ANKEF1: variants seen among roughly 807,000 people sequenced by gnomAD.
ANKEF1 encodes the protein ankyrin repeat and EF-hand domain containing 1.
Under a neutral mutation model 65.1 loss-of-function variants are expected in ANKEF1, and 43 were observed. The ratio of observed to expected loss-of-function variants is 0.66; its 90% confidence interval spans 0.52 to 0.85. ANKEF1 has a LOEUF of 0.85. Ranked by LOEUF, ANKEF1 falls within the 40% of genes least tolerant of loss-of-function variation. ANKEF1 has a pLI of 0.00. For synonymous variants in ANKEF1, 316 were observed against 341.5 expected, an observed-to-expected ratio of 0.93 and a Z score of 0.82; for missense variants, 934 against 952.9, an observed-to-expected ratio of 0.98 and a Z score of 0.26.
At chr20:10,053,646 A>G (rs1984990882) in intron 9 of ANKEF1, among the ~76,000 whole-genome samples, 1 of 152,176 alleles carries the variant, frequency 6.6e-6, no homozygotes, top group South Asian at 2.1e-4. Flanking sequence ...TGAGGAGTGA[A>G]GTAAAGCATG....
chr20:10,047,720 A>G (rs1984600111), intron 6 of ANKEF1, among the ~76,000 whole-genome samples: 1 of 152,174 alleles, frequency 6.6e-6, no homozygotes, highest in Admixed American at 6.5e-5. Context: ...AGCCAGCTGG[A>G]AGTTGAACAA....
intron 8 of ANKEF1, among the ~76,000 whole-genome samples, chr20:10,052,348 G>A (rs909430839): frequency 6.6e-6 from 1 of 152,090 alleles, no homozygotes. Context: ...TGTTATGACT[G>A]TTAATTACTA....
Position 10,055,621 on chromosome 20 carries a change from A to C in ANKEF1, c.2292A>C (p.Thr764=), listed in dbSNP as rs1960729255. The C allele has an allele frequency of 1.9e-6, 3 of 1,613,740 alleles. No homozygotes were observed. The highest frequency in any genetic ancestry group is 3.3e-5 in the Admixed American group (2 of 59,976). ...DFMMPFQKNI[T]EKARALEAAL... is the part of the protein sequence containing the mutation. ...TGATGCCTTTTCAGAAGAACATCAC[A>C]GAGAAAGCTCGAGCACTGGAAGCTG... Residue 764 remains threonine, a synonymous_variant, in exon 11 of 11, where the codon ACA becomes ACC. Transcript: ENST00000378392.
intron 5 of ANKEF1, among the ~76,000 whole-genome samples, chr20:10,044,888 G>C (rs1381310785): frequency 6.6e-6 from 1 of 152,004 alleles, no homozygotes; most frequent in African/African-American, 2.4e-5. Context: ...CTAATTATGG[G>C]AGAACAATGC....
At chr20:10,043,784 G>A (rs1382251417) in intron 4 of ANKEF1, among the ~76,000 whole-genome samples, 7 of 149,140 alleles carry the variant, frequency 4.7e-5, no homozygotes, top group South Asian at 2.2e-4. Context: ...TCAGCCTCCC[G>A]AGTAGCTGGG....
Position 10,051,691 on chromosome 20 carries a change from C to G in ANKEF1, c.1672C>G (p.Leu558Val), listed in dbSNP as rs777574480. Residue 558 changes from leucine (L) to valine (V), a missense_variant, in exon 8 of 11, where the codon CTG becomes GTG. Physicochemically the swap from Leu to Val is conservative, Grantham distance 32. Transcript: ENST00000378392. ...TAACGTTAATGCAACAGATAACTTT[C>G]TGTGGACTCCACTTCATTTTGCATG... ...GANVNATDNF[L>V]WTPLHFACHA... 1 of 1,613,586 alleles carries G rather than the reference C, an allele frequency of 6.2e-7. No homozygotes were observed.
Position 10,055,511 on chromosome 20 carries a change from C to A in ANKEF1, c.2182C>A (p.Pro728Thr). 1 of 1,613,320 alleles carries A rather than the reference C, an allele frequency of 6.2e-7. No homozygotes were observed. The highest frequency in any genetic ancestry group is 1.7e-5 in the Admixed American group (1 of 59,930). ...ITFIPRRIWS[P>T]EATTAELIRK... ...TATTTTTCTTTTTAAGATTTGGAGT[C>A]CTGAAGCCACAACAGCAGAGCTGAT... The change falls in exon 11 of 11, where the codon CCT becomes ACT. Residue 728 changes from proline to threonine, a missense_variant. Coordinates refer to ENST00000378392, the MANE Select transcript of ANKEF1 (RefSeq NM_022096.6).
At chr20:10,047,361 G>T (rs1984575494) in intron 6 of ANKEF1, among the ~76,000 whole-genome samples, 2 of 152,264 alleles carry the variant, frequency 1.3e-5, no homozygotes, top group African/African-American at 2.4e-5. Context: ...ATCCTATGTG[G>T]GTGACCCAGT....
At chr20:10,045,803 A>G (rs1247727413) in intron 6 of ANKEF1, 106 bp downstream of exon 6, 5 of 1,155,594 alleles carry the variant, frequency 4.3e-6, no homozygotes, top group African/African-American at 3.1e-5. Flanking sequence ...ATTTTTTTCT[A>G]TAGCAAAACC....
chr20:10,038,647 G>A lies in ANKEF1; in HGVS notation c.346G>A (p.Gly116Ser). ...GACTATAGTTGATAATGAAGGAAAA[G>A]GTAAAAATCCCGACATCCTCTCCAG... ...DMTIVDNEGK[G>S]VLFYCILPTK... The change falls in exon 3 of 11, where the codon GGT becomes AGT. Residue 116 changes from glycine to serine, a missense_variant and splice_region_variant. Physicochemically the swap from Gly to Ser is moderately conservative, Grantham distance 56 (BLOSUM62 0). Transcript: ENST00000378392. 14 of 1,580,126 alleles carry A rather than the reference G, an allele frequency of 8.9e-6. No individual in the cohort carries two copies. The highest frequency in any genetic ancestry group is 1.1e-5 in the South Asian group (1 of 87,468).
intron 4 of ANKEF1, among the ~76,000 whole-genome samples, chr20:10,044,174 G>A (rs1158241959): frequency 6.6e-6 from 1 of 152,164 alleles, no homozygotes; most frequent in Non-Finnish European, 1.5e-5. Flanking sequence ...GGCATGCAGT[G>A]TGACCTTGAC....
Position 10,035,559 on chromosome 20 carries a change from C to G in ANKEF1, c.-108-20C>G, listed in dbSNP as rs6057110. 0.2 allele frequency: 30,824 copies of G among 152,242 alleles called. 3,342 individuals are homozygous for G. Among genetic ancestry groups the G allele is most frequent in the African/African-American group, 0.27 (11,161 of 41,514 alleles). 9.4% of individuals were successfully genotyped at this position (152,242 alleles called of 1,614,324 possible). A position where few individuals can be genotyped will look rare whatever the true frequency, so the allele number is the denominator to read the frequency against. On this transcript the variant is annotated intron_variant, in intron 1 of 10. Transcript: ENST00000378392. Reference sequence around the variant, plus strand: ...GCTAAATGTTTTACAAGGATCATATCTCATTTCCTTTTCACACAGTCCCAT... The same window carrying G: ...GCTAAATGTTTTACAAGGATCATATGTCATTTCCTTTTCACACAGTCCCAT...
intron 7 of ANKEF1, 129 bp downstream of exon 7, chr20:10,050,341 A>G (rs1441344687): frequency 1.5e-6 from 1 of 674,680 alleles, no homozygotes; most frequent in East Asian, 2.8e-5. Flanking sequence ...AGGCTTTAAT[A>G]TATAAAAGCC....
In ANKEF1 at chr20:10,038,254, TCA is replaced by T. The variant is rs769194634; in HGVS notation, c.-44-3_-44-2del. 4.2e-5 allele frequency: 53 copies of T among 1,255,618 alleles called. No homozygotes were observed. The East Asian group carries it at 1.2e-3, about 30-fold the overall frequency. The allele number at this position is 1,255,618 out of a possible 1,614,324, so 77.8% of individuals were successfully genotyped here. Reference sequence around the variant, plus strand: ...TGAGTTATTTTTCTTTTTTGTTGCTTCAGCTTTAGTTTTGGTCCAGAAAGCAT... The same window carrying T: ...TGAGTTATTTTTCTTTTTTGTTGCTTGCTTTAGTTTTGGTCCAGAAAGCAT... On this transcript the variant is annotated splice_acceptor_variant and splice_polypyrimidine_tract_variant and intron_variant, in intron 2 of 10. Coordinates refer to ENST00000378392, the MANE Select transcript of ANKEF1 (RefSeq NM_022096.6). LOFTEE classifies it low-confidence loss of function (5UTR_SPLICE).
intron 6 of ANKEF1, among the ~76,000 whole-genome samples, chr20:10,048,821 A>G (rs930308869): frequency 1.3e-5 from 2 of 152,226 alleles, no homozygotes; most frequent in African/African-American, 4.8e-5. Context: ...TTTAATTACA[A>G]TTACTTTTTC....
Position 10,049,689 on chromosome 20 carries a change from C to A in ANKEF1, c.1120C>A (p.Gln374Lys). Reference protein sequence around the residue: ...EERQDYASSEQLAAIAHLHEK... With the variant: ...EERQDYASSEKLAAIAHLHEK... The stretch of plus-strand genomic sequence containing the variant: ...AAGGCAGGATTATGCAAGCTCAGAA[C>A]AGCTGGCTGCCATCGCTCACCTTCA... The change falls in exon 7 of 11, where the codon CAG (glutamine) becomes AAG (lysine). Residue 374 changes from glutamine (Q) to lysine (K), a missense_variant. Physicochemically the swap from Gln to Lys is moderately conservative, Grantham distance 53. Coordinates refer to ENST00000378392, the MANE Select transcript of ANKEF1 (RefSeq NM_022096.6). 1 of 1,614,128 alleles carries A rather than the reference C, an allele frequency of 6.2e-7. No individual in the cohort carries two copies. The highest frequency in any genetic ancestry group is 8.5e-7 in the Non-Finnish European group (1 of 1,180,022).
At position 10,055,924 on chromosome 20, in the gene ANKEF1, C is replaced by A. The variant is rs1020507518; in HGVS notation, c.*264C>A. On this transcript the variant is annotated 3_prime_UTR_variant, in exon 11 of 11. Transcript: ENST00000378392. ...AAATACATGGCATGTGGGTTATAAACGTTGCTGTCAAAAGATTTACCAGGT... is the reference window on the plus strand; with the variant it reads ...AAATACATGGCATGTGGGTTATAAAAGTTGCTGTCAAAAGATTTACCAGGT... 1.9e-5 allele frequency: 7 copies of A among 375,752 alleles called. No individual in the cohort carries two copies. Among genetic ancestry groups the A allele is most frequent in the African/African-American group, 1.2e-4 (6 of 49,562 alleles). The allele number at this position is 375,752 out of a possible 1,614,324, so 23.3% of individuals were successfully genotyped here.
rs374738796 is a variant in ANKEF1 at position 10,049,759 on chromosome 20, A to T, written c.1190A>T (p.Lys397Ile). 7 of 1,614,014 alleles carry T rather than the reference A, an allele frequency of 4.3e-6. No homozygotes were observed. The highest frequency in any genetic ancestry group is 2.7e-5 in the African/African-American group (2 of 74,908). The stretch of plus-strand genomic sequence containing the variant: ...GGGGTCAATATTAATGAATTCTTTA[A>T]AGGAACCAGATATTTAAACAAGTCT... The part of the protein sequence containing the change: ...GGGVNINEFF[K>I]GTRYLNKSFV... The change falls in exon 7 of 11, where the codon AAA becomes ATA. Residue 397 changes from lysine (K) to isoleucine (I), a missense_variant. By Grantham distance (102) the Lys-to-Ile change is moderately radical. Coordinates refer to ENST00000378392, the MANE Select transcript of ANKEF1 (RefSeq NM_022096.6).
rs747097642 is a variant in ANKEF1 at position 10,053,232 on chromosome 20, C to G, written c.1991C>G (p.Pro664Arg). The G allele has an allele frequency of 6.2e-7, 1 of 1,611,694 alleles. No homozygotes were observed. Among genetic ancestry groups the G allele is most frequent in the Admixed American group, 1.7e-5 (1 of 59,558 alleles). Residue 664 changes from proline to arginine, a missense_variant, in exon 9 of 11, where the codon CCT (proline) becomes CGT (arginine). Pro to Arg is a moderately radical substitution (Grantham distance 103). Coordinates refer to ENST00000378392, the MANE Select transcript of ANKEF1 (RefSeq NM_022096.6). ...AENQKLKGKT[P>R]PILKTEGPEI... ...AATCAAAAACTAAAAGGCAAGACAC[C>G]TCCTATACTGAAGACTGAAGGCCCT... is the stretch of plus-strand genomic sequence containing the variant.
Sources: allele counts gnomAD v4.1 joint callset (sites outside exome capture counted in the v4.1 genomes callset), GRCh38; gene constraint gnomAD v4.1.1; transcripts MANE v1.5; gene names NCBI Gene and HGNC (gene_info 2026-07-23, HGNC 2026-07-21).